The following ANK2 variants were observed in gnomAD, a reference collection of about 807,000 sequenced individuals.
ANK2 encodes the protein ankyrin-2.
ANK2 carries 83 observed loss-of-function variants against 360.5 expected under a neutral mutation model. The ratio of observed to expected loss-of-function variants is 0.23; its 90% confidence interval spans 0.19 to 0.28. The LOEUF (loss-of-function observed/expected upper bound fraction) is 0.28, where lower values mean the gene tolerates loss of function less well. Among genes scored for constraint, ANK2 ranks in the 10% least tolerant of loss-of-function variants. The pLI, the probability that ANK2 is intolerant of heterozygous loss-of-function variation, is 1.00. For synonymous variants in ANK2, 1,740 were observed against 1,759.5 expected, an observed-to-expected ratio of 0.99 and a Z score of 0.28; for missense variants, 4,201 against 4,795.7, an observed-to-expected ratio of 0.88 and a Z score of 3.66.
At position 113,284,034 on chromosome 4, in the gene ANK2, C is replaced by G. The variant is rs534435786; in HGVS notation, c.2079+1162C>G. ...AGAAGTGTTCCTGTACATCCCCTGC[C>G]CTTACGTACTTCTCTGGCCTTTATA... On this transcript the variant is annotated intron_variant, in intron 18 of 45. Transcript: ENST00000357077. Among the ~76,000 whole-genome samples the G allele has an allele frequency of 3.9e-5, 6 of 152,304 alleles. No individual in the cohort carries two copies. In the South Asian group the frequency reaches 1.2e-3, roughly 32 times the overall value.
chr4:112,920,808 A>C (rs2091279386), intron 2 of ANK2, among the ~76,000 whole-genome samples: 1 of 152,110 alleles, frequency 6.6e-6, no homozygotes, highest in African/African-American at 2.4e-5. Flanking sequence ...TGGCACATAC[A>C]TGTACTTGAG....
intron 1 of ANK2, among the ~76,000 whole-genome samples, chr4:112,895,266 C>T (rs1003683408): frequency 6.6e-5 from 10 of 152,168 alleles, no homozygotes; most frequent in Non-Finnish European, 1.3e-4. Context: ...GACATATTAG[C>T]CTAATACCAC....
At chr4:113,120,064 G>GATCTACTTTCAAC (rs2095247114) in intron 1 of ANK2, among the ~76,000 whole-genome samples, 1 of 152,014 alleles carries the variant, frequency 6.6e-6, no homozygotes, top group Non-Finnish European at 1.5e-5. Context: ...ATTATAAGCA[G>GATCTACTTTCAAC]AACTTATCTT....
At chr4:112,732,955 A>G in the ANK2 span, among the ~76,000 whole-genome samples, 1 of 152,088 alleles carries the variant, frequency 6.6e-6, no homozygotes, top group African/African-American at 2.4e-5. Flanking sequence ...ACGGTGGCTC[A>G]CGCCTGTAAT....
chr4:112,826,671 G>C (rs1394343724), intron 1 of ANK2: 1 of 938,154 alleles, frequency 1.1e-6, no homozygotes, highest in African/African-American at 1.7e-5. Context: ...ACATTCCTCA[G>C]CATTGACCAT....
intron 2 of ANK2, among the ~76,000 whole-genome samples, chr4:112,992,134 C>A (rs1343334827): frequency 6.6e-6 from 1 of 151,536 alleles, no homozygotes; most frequent in East Asian, 1.9e-4. Context: ...TACCTAGTTC[C>A]AAATCTACTT....
chr4:113,233,281 C>G (rs2099343658), intron 5 of ANK2, among the ~76,000 whole-genome samples: 1 of 149,180 alleles, frequency 6.7e-6, no homozygotes. Context: ...ACTACAGGCG[C>G]CCGCCACTAC....
chr4:113,123,535 T>A (rs893116605), intron 1 of ANK2, among the ~76,000 whole-genome samples: 11 of 152,208 alleles, frequency 7.2e-5, no homozygotes, highest in Admixed American at 5.9e-4. Context: ...AAGAAGACTT[T>A]TCTCAAATTC....
At chr4:112,740,077 T>G in the ANK2 span, among the ~76,000 whole-genome samples, 1 of 152,058 alleles carries the variant, frequency 6.6e-6, no homozygotes, top group Non-Finnish European at 1.5e-5. Flanking sequence ...CATTTCCAAA[T>G]TCTCCACATC....
In ANK2 at chr4:113,136,842, C is replaced by T. The variant is rs112868437; in HGVS notation, c.85-37574C>T. ...TACAATCTCGGCTTACTGCAACCTC[C>T]GCCTCCCGGGTTCAAGTGGATTCTC... On this transcript the variant is annotated intron_variant, in intron 1 of 45. Coordinates refer to ENST00000357077, the MANE Select transcript of ANK2 (RefSeq NM_001148.6). 9.1e-3 allele frequency among the ~76,000 whole-genome samples: 1,377 copies of T among 151,776 alleles called. 24 individuals are homozygous for T. The highest frequency in any genetic ancestry group is 0.031 in the African/African-American group (1,266 of 41,348).
intron 4 of ANK2, among the ~76,000 whole-genome samples, chr4:113,225,643 A>T (rs1473764058): frequency 6.6e-6 from 1 of 152,188 alleles, no homozygotes; most frequent in Non-Finnish European, 1.5e-5. Flanking sequence ...ACCATTCATT[A>T]CCTTGTATAT....
intron 9 of ANK2, among the ~76,000 whole-genome samples, chr4:113,243,545 G>C (rs959077823): frequency 6.6e-6 from 1 of 152,262 alleles, no homozygotes; most frequent in East Asian, 1.9e-4. Flanking sequence ...AGAGGTTTGC[G>C]TTCTGTCAAA....
chr4:113,121,268 G>T (rs2095334025), intron 1 of ANK2, among the ~76,000 whole-genome samples: 1 of 152,164 alleles, frequency 6.6e-6, no homozygotes, highest in Non-Finnish European at 1.5e-5. Flanking sequence ...ATGTGGCAGA[G>T]TTGGGATTTG....
chr4:113,001,317 G>A (rs1318359061), intron 2 of ANK2, among the ~76,000 whole-genome samples: 6 of 74,592 alleles, frequency 8.0e-5, no homozygotes, highest in Admixed American at 3.4e-4. Context: ...GGCGACAAAA[G>A]CAAAACTCTG....
In ANK2 at chr4:113,353,809, G is replaced by T; in HGVS notation, c.5191G>T (p.Gly1731Cys). The change falls in exon 38 of 46, where the codon GGT becomes TGT. Residue 1731 changes from glycine (G) to cysteine (C), a missense_variant. Gly to Cys is a radical substitution (Grantham distance 159, BLOSUM62 -3). This residue lies in a region of ANK2 where 2,642 missense variants were observed against 2,714.5 expected (regional missense o/e 0.97). Transcript: ENST00000357077. ...ASAEKAELKK[G>C]SSEESLGEDP... Reference sequence around the variant, plus strand: ...TGCAGAGAAAGCTGAACTTAAAAAAGGTAGTTCAGAAGAGTCATTAGGTGA... The same window carrying T: ...TGCAGAGAAAGCTGAACTTAAAAAATGTAGTTCAGAAGAGTCATTAGGTGA... The T allele has an allele frequency of 1.2e-6, 2 of 1,613,978 alleles. No homozygotes were observed. The highest frequency in any genetic ancestry group is 1.7e-6 in the Non-Finnish European group (2 of 1,179,988).
chr4:113,342,477 G>T (rs1051067098), intron 33 of ANK2, among the ~76,000 whole-genome samples: 3 of 152,126 alleles, frequency 2.0e-5, no homozygotes, highest in African/African-American at 7.2e-5. Flanking sequence ...GAGGTGGGTG[G>T]ATCATCTGAG....
intron 8 of ANK2, among the ~76,000 whole-genome samples, chr4:113,241,350 T>C (rs1333227125): frequency 6.6e-6 from 1 of 152,200 alleles, no homozygotes; most frequent in Non-Finnish European, 1.5e-5. Context: ...TTGTTGTTGC[T>C]GTTTAGAGAC....
chr4:113,056,458 G>C (rs967686597), intron 1 of ANK2, among the ~76,000 whole-genome samples: 1 of 151,980 alleles, frequency 6.6e-6, no homozygotes, highest in African/African-American at 2.4e-5. Context: ...TTATAAATAT[G>C]CTTACAGCTT....
intron 1 of ANK2, among the ~76,000 whole-genome samples, chr4:113,159,117 C>T (rs902062798): frequency 5.9e-5 from 9 of 151,560 alleles, no homozygotes; most frequent in African/African-American, 2.2e-4. Flanking sequence ...GCATGGTTTC[C>T]ACCTTCAAGT....
Sources: gnomAD v4.1 joint callset for allele counts (sites outside exome capture counted in the v4.1 genomes callset) on GRCh38, gnomAD v4.1.1 for gene constraint, gnomAD v4.1.1 regional missense constraint, MANE v1.5 for transcripts, NCBI Gene and HGNC (gene_info 2026-07-23, HGNC 2026-07-21) for gene names.